TENM2: variants seen among roughly 807,000 people sequenced by gnomAD.
The protein encoded by TENM2 is teneurin-2.
In TENM2, 52 loss-of-function variants were observed where a neutral mutation model predicts 245.2. That is an observed-to-expected ratio of 0.21 (90% CI 0.17 to 0.27). The LOEUF (loss-of-function observed/expected upper bound fraction) is 0.27. Among genes scored for constraint, TENM2 ranks in the 10% least tolerant of loss-of-function variants. The pLI is 1.00. For missense variants in TENM2, 3,046 were observed against 3,666.8 expected (o/e 0.83, Z 4.37); for synonymous variants, 1,363 against 1,438.9 (o/e 0.95, Z 1.19).
At chr5:167,782,313 CAAAAAAAA>C (rs767675565) in intron 2 of TENM2, among the ~76,000 whole-genome samples, 4 of 58,756 alleles carry the variant, frequency 6.8e-5, no homozygotes, top group Non-Finnish European at 9.9e-5. Flanking sequence ...AACTCTGTCT[CAAAAAAAA>C]AAAAAAAAAA....
In TENM2 at chr5:167,465,053, T is replaced by C. The variant is rs1766559311; in HGVS notation, c.502+89580T>C. ...TAAAGCACCGTTCTCAAAAAATATTTCACATCTCTCTAGTTTGGATATTCA... is the reference window on the plus strand; with the variant it reads ...TAAAGCACCGTTCTCAAAAAATATTCCACATCTCTCTAGTTTGGATATTCA... On this transcript the variant is annotated intron_variant, in intron 2 of 28. Transcript: ENST00000518659. Among the ~76,000 whole-genome samples the C allele has an allele frequency of 2.0e-5, 3 of 152,346 alleles. No homozygotes were observed. The South Asian group carries it at 6.2e-4, about 32-fold the overall frequency.
chr5:167,301,364 G>A (rs1056579090), intron 1 of TENM2, among the ~76,000 whole-genome samples: 4 of 152,316 alleles, frequency 2.6e-5, no homozygotes, highest in East Asian at 1.9e-4. Context: ...AGCTCCTGGG[G>A]GAGGCAGTTC....
chr5:168,026,483 A>C (rs1786641527), intron 5 of TENM2, among the ~76,000 whole-genome samples: 1 of 152,184 alleles, frequency 6.6e-6, no homozygotes. Context: ...TGAGAATGGA[A>C]ACCATGGATT....
In TENM2 at chr5:167,336,176, CTTTTTTTTT is replaced by C. The variant is rs35059289; in HGVS notation, c.227-39006_227-38998del. ...TCATCCAATGTTCTTTTCATTTCTC[CTTTTTTTTT>C]TTTTTTTTTTTTTTTCCGGTCAGGG... On this transcript the variant is annotated intron_variant, in intron 1 of 28. Coordinates refer to ENST00000518659, the Ensembl canonical transcript of TENM2. Among the ~76,000 whole-genome samples the C allele has an allele frequency of 1.8e-4, 15 of 83,110 alleles. No individual in the cohort carries two copies. In the East Asian group the frequency reaches 2.9e-3, roughly 16 times the overall value. 54.5% of individuals were successfully genotyped at this position (83,110 alleles called of 152,430 possible).
chr5:168,200,788 A>G (rs1409615219), intron 17 of TENM2, among the ~76,000 whole-genome samples: 2 of 152,220 alleles, frequency 1.3e-5, no homozygotes, highest in African/African-American at 4.8e-5. Context: ...TACCGTTATC[A>G]GAGTTGTGAG....
chr5:167,192,234 A>G, the TENM2 span, among the ~76,000 whole-genome samples: 6 of 152,050 alleles, frequency 3.9e-5, no homozygotes, highest in Non-Finnish European at 8.8e-5. Flanking sequence ...TCATGGAGCA[A>G]CTACCAGTGG....
intron 1 of TENM2, among the ~76,000 whole-genome samples, chr5:167,295,495 G>C (rs973149130): frequency 6.6e-6 from 1 of 152,158 alleles, no homozygotes; most frequent in Non-Finnish European, 1.5e-5. Flanking sequence ...TGGGAAAACT[G>C]CACAGTGAGA....
At chr5:167,632,254 G>A (rs1582599381) in intron 2 of TENM2, among the ~76,000 whole-genome samples, 1 of 152,134 alleles carries the variant, frequency 6.6e-6, no homozygotes, top group South Asian at 2.1e-4. Context: ...AAGTTATCAT[G>A]GGCCATGATA....
rs1372761881 is a variant in TENM2, at chr5:167,730,768, A to G, written c.503-145218A>G. On this transcript the variant is annotated intron_variant, in intron 2 of 28. Coordinates refer to ENST00000518659, the Ensembl canonical transcript of TENM2. ...CTGGAACTGAAAATTAGTGACATAA[A>G]CTCTGATATCTTAAAAGGCTAAACT... Among the ~76,000 whole-genome samples the G allele has an allele frequency of 2.0e-5, 3 of 152,086 alleles. No homozygotes were observed. The South Asian group carries it at 6.2e-4, about 32-fold the overall frequency.
the TENM2 span, among the ~76,000 whole-genome samples, chr5:167,135,574 A>C: frequency 6.6e-6 from 1 of 152,264 alleles, no homozygotes; most frequent in African/African-American, 2.4e-5. Flanking sequence ...CAGGAGATCG[A>C]GACCATCCTG....
chr5:168,067,209 A>G (rs1790582962), intron 7 of TENM2, among the ~76,000 whole-genome samples: 1 of 152,182 alleles, frequency 6.6e-6, no homozygotes, highest in South Asian at 2.1e-4. Flanking sequence ...ATGGGCTTAC[A>G]GCTCCAGCAA....
At chr5:168,197,500 A>T (rs1387625169) in intron 15 of TENM2, among the ~76,000 whole-genome samples, 1 of 152,136 alleles carries the variant, frequency 6.6e-6, no homozygotes. Flanking sequence ...GGAGATGGAG[A>T]CCATCCTGGT....
At chr5:168,095,060 C>T (rs1417460873) in intron 8 of TENM2, among the ~76,000 whole-genome samples, 1 of 151,730 alleles carries the variant, frequency 6.6e-6, no homozygotes, top group Non-Finnish European at 1.5e-5. Context: ...TCAGGGCGCC[C>T]ACTGATTTGA....
intron 2 of TENM2, among the ~76,000 whole-genome samples, chr5:167,635,954 T>C (rs576691018): frequency 6.6e-6 from 1 of 152,238 alleles, no homozygotes; most frequent in East Asian, 1.9e-4. Context: ...CAGTCTTTTC[T>C]TAAGATCACA....
intron 1 of TENM2, among the ~76,000 whole-genome samples, chr5:167,370,121 T>C (rs991668984): frequency 1.3e-5 from 2 of 152,042 alleles, no homozygotes; most frequent in Non-Finnish European, 2.9e-5. Flanking sequence ...GGTGGGCAGA[T>C]CACGAGGTCA....
chr5:167,401,982 C>G (rs1302744492), intron 2 of TENM2, among the ~76,000 whole-genome samples: 2 of 152,150 alleles, frequency 1.3e-5, no homozygotes, highest in African/African-American at 2.4e-5. Flanking sequence ...TGGCCCTTCC[C>G]TCCTTTACTT....
chr5:168,007,067 C>CT (rs1275476467), intron 5 of TENM2, among the ~76,000 whole-genome samples: 2 of 151,912 alleles, frequency 1.3e-5, no homozygotes, highest in Non-Finnish European at 2.9e-5. Flanking sequence ...ACTCAGCTAT[C>CT]TGAGTTTTTC....
the TENM2 span, among the ~76,000 whole-genome samples, chr5:167,247,015 A>G: frequency 6.6e-6 from 1 of 152,290 alleles, no homozygotes; most frequent in East Asian, 1.9e-4. Flanking sequence ...ATGATTGAAT[A>G]AAGCATAATT....
intron 2 of TENM2, among the ~76,000 whole-genome samples, chr5:167,393,362 A>G (rs1761876486): frequency 3.3e-5 from 5 of 152,154 alleles, no homozygotes; most frequent in Admixed American, 2.6e-4. Flanking sequence ...TCGGAGGGCC[A>G]AGGAAAACTT....
Sources: allele counts gnomAD v4.1 joint callset (sites outside exome capture counted in the v4.1 genomes callset), GRCh38; gene constraint gnomAD v4.1.1; transcripts MANE v1.5; gene names NCBI Gene and HGNC (gene_info 2026-07-23, HGNC 2026-07-21).